The following LAMA2 variants were observed in gnomAD, a reference collection of about 807,000 sequenced individuals.
LAMA2 encodes the protein laminin subunit alpha 2.
Under a neutral mutation model 364.8 loss-of-function variants are expected in LAMA2, and 269 were observed. That is an observed-to-expected ratio of 0.74 (90% confidence interval 0.67 to 0.82). The LOEUF is 0.82. Ranked by LOEUF, LAMA2 falls within the 40% of genes least tolerant of loss-of-function variation. The probability of loss-of-function intolerance (pLI) is 0.00; values close to 1 mark genes in which losing one functional copy is unlikely to be tolerated. For synonymous variants in LAMA2, 1,379 were observed against 1,370.6 expected (o/e 1.01, Z -0.14); for missense variants, 3,807 against 3,873.2 (o/e 0.98, Z 0.45).
At chr6:128,901,743 T>A in intron 1 of LAMA2, among the ~76,000 whole-genome samples, 1 of 152,206 alleles carries the variant, frequency 6.6e-6, no homozygotes, top group East Asian at 1.9e-4. Flanking sequence ...TAAACAGAAA[T>A]TTTAAAAGAA....
At chr6:129,327,481 C>T (rs12663564) in intron 28 of LAMA2, among the ~76,000 whole-genome samples, 18,028 of 152,094 alleles carry the variant, frequency 0.12, 1,260 homozygotes, top group African/African-American at 0.17. Flanking sequence ...AAAACTGACT[C>T]CTACCTTTTA....
At position 129,071,201 on chromosome 6, in the gene LAMA2, A is replaced by G. The variant is rs563798026; in HGVS notation, c.396+11305A>G. Among the ~76,000 whole-genome samples the G allele has an allele frequency of 5.9e-5, 9 of 152,362 alleles. No homozygotes were observed. In the South Asian group the frequency reaches 1.7e-3, roughly 28 times the overall value. On this transcript the variant is annotated intron_variant, in intron 3 of 64. Coordinates refer to ENST00000421865, the MANE Select transcript of LAMA2 (RefSeq NM_000426.4). Reference sequence around the variant, plus strand: ...TCCACTTACCTAATTTTTCAAATATATCGACATGAGTTGTTAGTGATATTA... The same window carrying G: ...TCCACTTACCTAATTTTTCAAATATGTCGACATGAGTTGTTAGTGATATTA...
intron 37 of LAMA2, among the ~76,000 whole-genome samples, chr6:129,393,469 T>G (rs1296908286): frequency 6.6e-6 from 1 of 152,158 alleles, no homozygotes; most frequent in Non-Finnish European, 1.5e-5. Flanking sequence ...AAGAATCAAA[T>G]AAAATTTTGA....
Position 129,312,969 on chromosome 6 carries a change from C to T in LAMA2, c.3283C>T (p.Arg1095Ter), listed in dbSNP as rs376088608. The T allele has an allele frequency of 1.2e-6, 2 of 1,614,006 alleles. No individual in the cohort carries two copies. The highest frequency in any genetic ancestry group is 8.5e-7 in the Non-Finnish European group (1 of 1,179,880). ...TGGTGCAAAATGTACAGAGTGCAGTCGAGGTCACTGGAACTACCCTCGCTG... is the reference window on the plus strand; with the variant it reads ...TGGTGCAAAATGTACAGAGTGCAGTTGAGGTCACTGGAACTACCCTCGCTG... ...FSGAKCTECSRGHWNYPRCNL... is the reference protein window; with the variant it reads ...FSGAKCTECS The change falls in exon 23 of 65, where the codon CGA becomes TGA. Residue 1095 changes from arginine (R) to a stop codon, truncating the protein, a stop_gained. Transcript: ENST00000421865. LOFTEE classifies it high-confidence loss of function.
chr6:128,911,346 G>A (rs1038609771), intron 1 of LAMA2, among the ~76,000 whole-genome samples: 11 of 152,168 alleles, frequency 7.2e-5, no homozygotes, highest in African/African-American at 2.7e-4. Flanking sequence ...GTGGTTCGCC[G>A]TTTTTTAAGC....
intron 30 of LAMA2, among the ~76,000 whole-genome samples, chr6:129,343,401 T>C (rs768696793): frequency 8.5e-5 from 13 of 152,286 alleles, no homozygotes; most frequent in Non-Finnish European, 1.6e-4. Context: ...CCTTTTCCTC[T>C]GAAAGCTCCT....
rs1354475024 is a variant in LAMA2, at chr6:129,505,232, T to C, written c.8580T>C (p.Ile2860=). The C allele has an allele frequency of 1.2e-6, 2 of 1,613,944 alleles. No individual in the cohort carries two copies. Among genetic ancestry groups the C allele is most frequent in the Admixed American group, 3.3e-5 (2 of 60,018 alleles). Residue 2860 remains isoleucine, a synonymous_variant, in exon 61 of 65, where the codon ATT becomes ATC. Transcript: ENST00000421865. ...TAATGAGAAGTAAGCAAGAAGGAAT[T>C]CTTTATGTAGATGGGGCTTCCAACA... ...IKIMRSKQEG[I]LYVDGASNRT...
intron 9 of LAMA2, among the ~76,000 whole-genome samples, chr6:129,169,012 G>A (rs532880720): frequency 6.6e-6 from 1 of 152,208 alleles, no homozygotes; most frequent in East Asian, 1.9e-4. Flanking sequence ...CATTGATTTT[G>A]TATCCTGAGA....
chr6:129,284,352 T>C (rs535214792), intron 18 of LAMA2, among the ~76,000 whole-genome samples: 2 of 152,284 alleles, frequency 1.3e-5, no homozygotes, highest in East Asian at 3.9e-4. Context: ...ATGTCCTTGA[T>C]TGGGCCTAAT....
chr6:129,347,302 T>C, intron 30 of LAMA2, among the ~76,000 whole-genome samples: 1 of 151,882 alleles, frequency 6.6e-6, no homozygotes, highest in Non-Finnish European at 1.5e-5. Flanking sequence ...TAGGGAAAGG[T>C]CTGGTGTATT....
intron 64 of LAMA2, among the ~76,000 whole-genome samples, 172 bp from the exon 65 acceptor site, chr6:129,516,018 G>A (rs1468668274): frequency 7.3e-6 from 1 of 136,088 alleles, no homozygotes; most frequent in Non-Finnish European, 1.7e-5. Flanking sequence ...AAAATTTTAA[G>A]TTGATCTTTC....
chr6:129,217,465 A>C (rs139508903), intron 12 of LAMA2, among the ~76,000 whole-genome samples: 2 of 152,296 alleles, frequency 1.3e-5, no homozygotes, highest in Admixed American at 1.3e-4. Flanking sequence ...CAGAGAAATC[A>C]GTGTCAACAG....
intron 30 of LAMA2, among the ~76,000 whole-genome samples, chr6:129,348,128 G>C (rs904834755): frequency 2.0e-5 from 3 of 152,186 alleles, no homozygotes; most frequent in African/African-American, 7.2e-5. Context: ...ATTTGGCAGA[G>C]TGTGTCAGTT....
chr6:129,047,308 C>T (rs1787586824), intron 1 of LAMA2, among the ~76,000 whole-genome samples: 1 of 152,166 alleles, frequency 6.6e-6, no homozygotes, highest in African/African-American at 2.4e-5. Flanking sequence ...CCAACAATTA[C>T]ATTAGCTTTC....
chr6:129,247,485 T>C (rs1445891312), intron 12 of LAMA2, among the ~76,000 whole-genome samples: 1 of 152,168 alleles, frequency 6.6e-6, no homozygotes, highest in Non-Finnish European at 1.5e-5. Context: ...CTTAAGTAAG[T>C]ACTTGACTAA....
intron 1 of LAMA2, among the ~76,000 whole-genome samples, chr6:129,049,525 A>G (rs1185270136): frequency 2.0e-5 from 3 of 152,116 alleles, no homozygotes; most frequent in Non-Finnish European, 4.4e-5. Flanking sequence ...GTGCAGAAAC[A>G]TTAACATGCA....
chr6:129,124,407 C>T (rs1776991981), intron 4 of LAMA2, among the ~76,000 whole-genome samples: 1 of 152,170 alleles, frequency 6.6e-6, no homozygotes, highest in Admixed American at 6.5e-5. Flanking sequence ...AATATATTTA[C>T]CACCCATAAG....
At chr6:129,340,753 C>G (rs980466156) in intron 29 of LAMA2, among the ~76,000 whole-genome samples, 1 of 147,626 alleles carries the variant, frequency 6.8e-6, no homozygotes, top group Non-Finnish European at 1.5e-5. Flanking sequence ...AGGAGAATCC[C>G]TTTATTCAGG....
At chr6:129,033,927 C>T (rs986785482) in intron 1 of LAMA2, among the ~76,000 whole-genome samples, 23 of 149,506 alleles carry the variant, frequency 1.5e-4, no homozygotes, top group African/African-American at 5.6e-4. Flanking sequence ...ATTCTGAAAG[C>T]CTTTGGGATG....
Sources: gnomAD v4.1 joint callset for allele counts (sites outside exome capture counted in the v4.1 genomes callset) on GRCh38, gnomAD v4.1.1 for gene constraint, MANE v1.5 for transcripts, NCBI Gene and HGNC (gene_info 2026-07-23, HGNC 2026-07-21) for gene names.